Variants in ZNRF3 observed in about 807,000 individuals in gnomAD.
ZNRF3 encodes zinc and ring finger 3, also known as E3 ubiquitin-protein ligase ZNRF3.
A neutral mutation model predicts 72.5 loss-of-function variants in ZNRF3; 23 were observed. The observed-to-expected ratio is 0.32, with a 90% CI of 0.23 to 0.45. The LOEUF (loss-of-function observed/expected upper bound fraction) is 0.45. Ranked by LOEUF, ZNRF3 falls within the 20% of genes least tolerant of loss-of-function variation. The pLI, the probability that ZNRF3 is intolerant of heterozygous loss-of-function variation, is 1.00. For missense variants in ZNRF3, 1,169 were observed against 1,272.1 expected, an observed-to-expected ratio of 0.92 and a Z score of 1.23; for synonymous variants, 610 against 545.3, an observed-to-expected ratio of 1.12 and a Z score of -1.65.
chr22:28,975,854 C>G (rs774050883), intron 1 of ZNRF3, among the ~76,000 whole-genome samples: 14 of 151,056 alleles, frequency 9.3e-5, no homozygotes, highest in Admixed American at 3.3e-4. Flanking sequence ...CCGCTTCCCC[C>G]CAAATTTGAG....
chr22:28,998,588 A>C (rs1327135549), intron 2 of ZNRF3, among the ~76,000 whole-genome samples: 1 of 152,234 alleles, frequency 6.6e-6, no homozygotes, highest in African/African-American at 2.4e-5. Context: ...CTCAGGGAAT[A>C]CAAGTTTTCT....
chr22:29,053,529 A>G (rs2037245447), intron 8 of ZNRF3, 50 bp from the exon 9 acceptor site: 3 of 1,599,782 alleles, frequency 1.9e-6, no homozygotes, highest in East Asian at 2.2e-5. Flanking sequence ...GCCTGGTCCC[A>G]TGTGTGGTGC....
intron 1 of ZNRF3, among the ~76,000 whole-genome samples, chr22:28,949,136 C>T (rs1370304845): frequency 2.6e-5 from 4 of 152,070 alleles, no homozygotes; most frequent in East Asian, 3.9e-4. Context: ...CGCGCCACCA[C>T]GCCCAGCTAA....
At chr22:28,896,161 G>GTC (rs1217289937) in intron 1 of ZNRF3, among the ~76,000 whole-genome samples, 1 of 152,058 alleles carries the variant, frequency 6.6e-6, no homozygotes, top group Non-Finnish European at 1.5e-5. Flanking sequence ...TTGAGACGGA[G>GTC]TCTCGCTCTG....
intron 1 of ZNRF3, among the ~76,000 whole-genome samples, chr22:28,955,013 G>A (rs1280646412): frequency 6.6e-6 from 1 of 150,764 alleles, no homozygotes; most frequent in East Asian, 1.9e-4. Context: ...CAGGTTTGGT[G>A]GAAAATGGTA....
intron 1 of ZNRF3, among the ~76,000 whole-genome samples, chr22:28,919,074 G>A (rs2034464449): frequency 6.6e-6 from 1 of 152,238 alleles, no homozygotes; most frequent in African/African-American, 2.4e-5. Context: ...CTTAATCCTT[G>A]AGTATTTGCA....
At chr22:29,001,628 C>T (rs2036150133) in intron 2 of ZNRF3, among the ~76,000 whole-genome samples, 3 of 152,098 alleles carry the variant, frequency 2.0e-5, no homozygotes, top group Admixed American at 2.0e-4. Flanking sequence ...CACGCCATCA[C>T]GCCCAGCTAA....
intron 2 of ZNRF3, among the ~76,000 whole-genome samples, chr22:28,994,871 AAAG>A (rs1274672088): frequency 6.6e-6 from 1 of 152,246 alleles, no homozygotes; most frequent in Non-Finnish European, 1.5e-5. Flanking sequence ...TTGCTCCAGG[AAAG>A]AAGTGGGTGA....
In ZNRF3 at chr22:28,883,835, C is replaced by T. The variant is rs1025350681; in HGVS notation, c.69C>T (p.Pro23=). The change falls in exon 1 of 9, where the codon CCC becomes CCT. Residue 23 remains proline (P), a synonymous_variant. Coordinates refer to ENST00000544604, the MANE Select transcript of ZNRF3 (RefSeq NM_001206998.2). The surrounding 1 kb of genome is among the most constrained non-coding windows in gnomAD (Gnocchi z 5.5). ...GRRRRRLRRR[P]RGLRCSRLPP... ...GCCGCCGCCGCCTGCGCCGCCGCCC[C>T]CGCGGCCTCCGGTGCAGCCGCCTGC... 8.2e-6 allele frequency: 8 copies of T among 979,380 alleles called. No homozygotes were observed. The highest frequency in any genetic ancestry group is 9.7e-6 in the Non-Finnish European group (8 of 827,588). The allele number at this position is 979,380 out of a possible 1,614,324, so 60.7% of individuals were successfully genotyped here.
intron 6 of ZNRF3, among the ~76,000 whole-genome samples, chr22:29,047,432 C>T (rs183341173): frequency 2.4e-4 from 37 of 152,332 alleles, no homozygotes; most frequent in African/African-American, 8.7e-4. Context: ...GAATTACAGA[C>T]ATTTGATGCG....
chr22:28,886,173 CAGGGATG>C (rs1324140841), intron 1 of ZNRF3, among the ~76,000 whole-genome samples: 1 of 152,166 alleles, frequency 6.6e-6, no homozygotes, highest in Non-Finnish European at 1.5e-5. Context: ...GTGTGGCTTT[CAGGGATG>C]TGTGTGTACA....
intron 1 of ZNRF3, among the ~76,000 whole-genome samples, chr22:28,928,155 A>G (rs1175056991): frequency 6.6e-6 from 1 of 152,164 alleles, no homozygotes; most frequent in Non-Finnish European, 1.5e-5. Flanking sequence ...TTTTTGCCCA[A>G]TCTTTTTTAA....
At chr22:28,935,356 C>T (rs964855982) in intron 1 of ZNRF3, among the ~76,000 whole-genome samples, 3 of 152,216 alleles carry the variant, frequency 2.0e-5, no homozygotes, top group Non-Finnish European at 4.4e-5. Context: ...GGGGGCAGCC[C>T]ACCCTGGCGC....
chr22:28,937,211 ATATATTTTTTTTTTTTT>A (rs1416758522), intron 1 of ZNRF3, among the ~76,000 whole-genome samples: 137 of 3,174 alleles, frequency 0.043, no homozygotes, highest in Admixed American at 0.12. Context: ...ATATATATAT[ATATATTTTTTTTTTTTT>A]TTTTTTTTTT....
chr22:28,961,015 C>G (rs552063211), intron 1 of ZNRF3, among the ~76,000 whole-genome samples: 64 of 152,234 alleles, frequency 4.2e-4, no homozygotes, highest in African/African-American at 1.5e-3. Flanking sequence ...GTTCCTTTTG[C>G]TCTAACAAAA....
At position 29,021,186 on chromosome 22, in the gene ZNRF3, G is replaced by T. The variant is rs527422991; in HGVS notation, c.427-21309G>T. On this transcript the variant is annotated intron_variant, in intron 2 of 8. Coordinates refer to ENST00000544604, the MANE Select transcript of ZNRF3 (RefSeq NM_001206998.2). ...GAGGCGGAGGTTGCAATGAGCCAAG[G>T]TTGTGCCATCGCACTCCAGCTGGGG... Among the ~76,000 whole-genome samples, 215 of 152,022 alleles carry T rather than the reference G, an allele frequency of 1.4e-3. 1 individual carries two copies. The highest frequency in any genetic ancestry group is 2.0e-3 in the Non-Finnish European group (138 of 67,986).
In ZNRF3 at chr22:29,055,475, T is replaced by A. The variant is rs1349952258; in HGVS notation, c.*1853T>A. On this transcript the variant is annotated 3_prime_UTR_variant, in exon 9 of 9. Transcript: ENST00000544604. ...AGCGTATGATGAGGAAATTTACTTA[T>A]CTCTAGCTAGGATTTGACAAATTCC... 6.6e-6 allele frequency: 1 copy of A among 152,214 alleles called. No homozygotes were observed. Among genetic ancestry groups the A allele is most frequent in the East Asian group, 1.9e-4 (1 of 5,200 alleles). 9.4% of individuals were successfully genotyped at this position (152,214 alleles called of 1,614,324 possible).
intron 1 of ZNRF3, among the ~76,000 whole-genome samples, chr22:28,981,421 G>GTTC (rs2035762590): frequency 6.6e-6 from 1 of 152,132 alleles, no homozygotes; most frequent in Non-Finnish European, 1.5e-5. Context: ...GAACTCCTGG[G>GTTC]TTCAAACCAT....
At position 29,050,630 on chromosome 22, in the gene ZNRF3, G is replaced by C. The variant is rs775159221; in HGVS notation, c.2449G>C (p.Gly817Arg). The change falls in exon 8 of 9, where the codon GGC becomes CGC. Residue 817 changes from glycine (G) to arginine (R), a missense_variant. By Grantham distance (125) the Gly-to-Arg change is moderately radical (BLOSUM62 -2). Around this residue, in one of 2 missense-constraint regions of ZNRF3, gnomAD observed 783 missense variants for 731.4 expected, o/e 1.07. Coordinates refer to ENST00000544604, the MANE Select transcript of ZNRF3 (RefSeq NM_001206998.2). ...QYTLTEEPPP[G>R]CYPGARDLSQ... Reference sequence around the variant, plus strand: ...CACGCTCACCGAGGAACCACCGCCCGGCTGCTACCCCGGGGCCCGGGACCT... The same window carrying C: ...CACGCTCACCGAGGAACCACCGCCCCGCTGCTACCCCGGGGCCCGGGACCT... 2 of 1,611,394 alleles carry C rather than the reference G, an allele frequency of 1.2e-6. No individual in the cohort carries two copies. Among genetic ancestry groups the C allele is most frequent in the Admixed American group, 3.3e-5 (2 of 59,882 alleles).
Sources: gnomAD v4.1 joint callset for allele counts (sites outside exome capture counted in the v4.1 genomes callset) on GRCh38, gnomAD v4.1.1 for gene constraint, gnomAD v4.1.1 regional missense constraint, Gnocchi (gnomAD v3.1) non-coding constraint, MANE v1.5 for transcripts, NCBI Gene and HGNC (gene_info 2026-07-23, HGNC 2026-07-21) for gene names.